Variants in DIAPH2 observed in about 807,000 individuals in gnomAD.
DIAPH2 encodes the protein diaphanous related formin 2, also known as protein diaphanous homolog 2.
DIAPH2 carries 35 observed loss-of-function variants against 92.7 expected under a neutral mutation model. The observed-to-expected ratio is 0.38, with a 90% confidence interval of 0.29 to 0.50. The LOEUF (loss-of-function observed/expected upper bound fraction) is 0.50. Ranked by LOEUF, DIAPH2 falls within the 20% of genes least tolerant of loss-of-function variation. DIAPH2 has a pLI of 0.94. For synonymous variants in DIAPH2, 301 were observed against 280.4 expected, an observed-to-expected ratio of 1.07 and a Z score of -0.73; for missense variants, 701 against 819.5, an observed-to-expected ratio of 0.86 and a Z score of 1.77.
Position 96,944,385 on chromosome X carries a change from A to G in DIAPH2, c.1445-1142A>G, listed in dbSNP as rs188511241. ...TTGAGGTACATTTGATGTAAGAAAA[A>G]CTACCCATATTTAAGGTATACAATT... On this transcript the variant is annotated intron_variant, in intron 13 of 26. Coordinates refer to ENST00000324765, the MANE Select transcript of DIAPH2 (RefSeq NM_006729.5). 1.6e-3 allele frequency among the ~76,000 whole-genome samples: 183 copies of G among 111,968 alleles called. 1 individual carries two copies. The highest frequency in any genetic ancestry group is 1.1e-3 in the Non-Finnish European group (58 of 52,901).
chrX:97,333,204 A>G (rs1217338702), intron 23 of DIAPH2, among the ~76,000 whole-genome samples: 1 of 111,865 alleles, frequency 8.9e-6, no homozygotes, highest in Non-Finnish European at 1.9e-5. Context: ...ATTGGCTAAG[A>G]GGAAGTCTTC....
chrX:96,719,532 T>C (rs964538581), intron 1 of DIAPH2, among the ~76,000 whole-genome samples: 1 of 112,198 alleles, frequency 8.9e-6, no homozygotes, highest in African/African-American at 3.2e-5. Flanking sequence ...TTACATTTAT[T>C]GAAGAAACTG....
chrX:96,842,248 C>T (rs1157871252), intron 4 of DIAPH2, among the ~76,000 whole-genome samples: 1 of 111,752 alleles, frequency 8.9e-6, no homozygotes, highest in Non-Finnish European at 1.9e-5. Context: ...TAGAGTTACT[C>T]TTTTCTTTTT....
In DIAPH2 at chrX:97,600,136, T is replaced by TG. The variant is rs761248694; in HGVS notation, c.*820dup. 8 of 112,052 alleles carry TG rather than the reference T, an allele frequency of 7.1e-5. No individual in the cohort carries two copies. Among genetic ancestry groups the TG allele is most frequent in the Non-Finnish European group, 1.5e-4 (8 of 52,800 alleles). The allele number at this position is 112,052 out of a possible 1,213,427, so 9.2% of individuals were successfully genotyped here. On this transcript the variant is annotated 3_prime_UTR_variant, in exon 27 of 27. Coordinates refer to ENST00000324765, the MANE Select transcript of DIAPH2 (RefSeq NM_006729.5). ...GAAAACCCTCACATTTTAATGTTTA[T>TG]GCTAGGGATGAACCTGAAAATTCTA...
chrX:96,775,176 A>C (rs2064367658), intron 4 of DIAPH2, among the ~76,000 whole-genome samples: 1 of 111,178 alleles, frequency 9.0e-6, no homozygotes, highest in Non-Finnish European at 1.9e-5. Context: ...TAGAGTACTC[A>C]TAGGTTTAAG....
intron 22 of DIAPH2, among the ~76,000 whole-genome samples, chrX:97,224,936 TCTGA>T (rs2067953869): frequency 9.0e-6 from 1 of 111,337 alleles, no homozygotes; most frequent in Non-Finnish European, 1.9e-5. Context: ...CCCAAGGCAC[TCTGA>T]CTGTTTGCAG....
chrX:96,950,750 C>T (rs2065769565), intron 15 of DIAPH2, among the ~76,000 whole-genome samples: 1 of 111,787 alleles, frequency 8.9e-6, no homozygotes, highest in African/African-American at 3.3e-5. Context: ...CTGTTGCAGA[C>T]AGGATTAAAT....
intron 23 of DIAPH2, among the ~76,000 whole-genome samples, chrX:97,324,576 A>G (rs916809624): frequency 8.9e-6 from 1 of 111,768 alleles, no homozygotes; most frequent in Non-Finnish European, 1.9e-5. Context: ...ATCTAAGCTA[A>G]TAAACAGATT....
At chrX:97,420,428 T>C (rs2147769197) in intron 25 of DIAPH2, among the ~76,000 whole-genome samples, 1 of 111,884 alleles carries the variant, frequency 8.9e-6, no homozygotes, top group Non-Finnish European at 1.9e-5. Flanking sequence ...TGACCCCTAA[T>C]ACAGTATTTA....
Position 96,939,586 on chromosome X carries a change from G to A in DIAPH2, c.1325+204G>A, listed in dbSNP as rs868500565. 4.9e-4 allele frequency among the ~76,000 whole-genome samples: 18 copies of A among 36,972 alleles called. No homozygotes were observed. The highest frequency in any genetic ancestry group is 1.2e-3 in the Non-Finnish European group (16 of 13,783). The allele number at this position is 36,972 out of a possible 115,157, so 32.1% of individuals were successfully genotyped here. A position where few individuals can be genotyped will look rare whatever the true frequency, so the allele number is the denominator to read the frequency against. On this transcript the variant is annotated intron_variant, in intron 12 of 26. Transcript: ENST00000324765. ...TATATATGTGTGTGTGTGTGTATAT[G>A]TGTGTGTGTGTATATACACACACAC... is the stretch of plus-strand genomic sequence containing the variant.
chrX:97,032,332 A>C (rs1283788159), intron 17 of DIAPH2, among the ~76,000 whole-genome samples: 1 of 111,409 alleles, frequency 9.0e-6, no homozygotes, highest in African/African-American at 3.3e-5. Context: ...AGAGCTTTGT[A>C]CATATTCTAT....
At chrX:97,312,424 A>C (rs1338932766) in intron 23 of DIAPH2, among the ~76,000 whole-genome samples, 1 of 82,549 alleles carries the variant, frequency 1.2e-5, no homozygotes, top group Non-Finnish European at 2.1e-5. Flanking sequence ...TTCTCAGCTC[A>C]TTGCAACCTC....
At chrX:97,511,417 A>G (rs1253759214) in intron 26 of DIAPH2, among the ~76,000 whole-genome samples, 12 of 102,450 alleles carry the variant, frequency 1.2e-4, no homozygotes, top group Non-Finnish European at 2.0e-4. Context: ...TGCTGAGACA[A>G]TGGGGTTTTC....
chrX:96,797,896 G>A (rs1325312821), intron 4 of DIAPH2, among the ~76,000 whole-genome samples: 4 of 112,530 alleles, frequency 3.6e-5, no homozygotes, highest in Admixed American at 2.8e-4. Context: ...TACTTTTGAG[G>A]TGTTTTTAAT....
At chrX:97,556,267 A>G (rs989934591) in intron 26 of DIAPH2, among the ~76,000 whole-genome samples, 8 of 111,991 alleles carry the variant, frequency 7.1e-5, no homozygotes, top group Non-Finnish European at 1.5e-4. Flanking sequence ...ACTGGACTGA[A>G]CATAGAGTCT....
chrX:97,516,693 C>T (rs2070951460), intron 26 of DIAPH2, among the ~76,000 whole-genome samples: 1 of 111,389 alleles, frequency 9.0e-6, no homozygotes, highest in Non-Finnish European at 1.9e-5. Context: ...TGGCTATTTC[C>T]CCCTGAATTT....
rs777834881 is a variant in DIAPH2 at position 96,948,898 on chromosome X, T to G, written c.1510-37T>G. ...ATGTTCTTTAAAGCGTTCTGAAAAC[T>G]ATATTATTAACTGTACATTGATGGT... On this transcript the variant is annotated intron_variant, in intron 14 of 26. Coordinates refer to ENST00000324765, the MANE Select transcript of DIAPH2 (RefSeq NM_006729.5). 1.1e-5 allele frequency: 10 copies of G among 941,033 alleles called. No homozygotes were observed. In the South Asian group the frequency reaches 2.8e-4, roughly 26 times the overall value. 77.6% of individuals were successfully genotyped at this position (941,033 alleles called of 1,213,427 possible).
chrX:96,901,143 G>T (rs1248406477), intron 5 of DIAPH2, among the ~76,000 whole-genome samples: 1 of 110,697 alleles, frequency 9.0e-6, no homozygotes, highest in Non-Finnish European at 1.9e-5. Context: ...TTCCTTGCTT[G>T]TTACTGGTCT....
chrX:97,151,544 T>TA (rs1431826622), intron 22 of DIAPH2, among the ~76,000 whole-genome samples: 3 of 109,942 alleles, frequency 2.7e-5, no homozygotes, highest in Non-Finnish European at 5.7e-5. Context: ...TACTTTATTT[T>TA]AAAAAAAGAA....
Sources: gnomAD v4.1 joint callset for allele counts (sites outside exome capture counted in the v4.1 genomes callset) on GRCh38, gnomAD v4.1.1 for gene constraint, MANE v1.5 for transcripts, NCBI Gene and HGNC (gene_info 2026-07-23, HGNC 2026-07-21) for gene names.